Variants in PLCL1 observed in about 807,000 individuals in gnomAD.
PLCL1 encodes phospholipase C like 1 (inactive).
Under a neutral mutation model 84.4 loss-of-function variants are expected in PLCL1, and 41 were observed. That is an observed-to-expected ratio of 0.49 (90% CI 0.38 to 0.63). The LOEUF (loss-of-function observed/expected upper bound fraction) is 0.63. Ranked by LOEUF, PLCL1 falls within the 30% of genes least tolerant of loss-of-function variation. The probability of loss-of-function intolerance (pLI) is 0.00; values close to 1 mark genes in which losing one functional copy is unlikely to be tolerated. For synonymous variants in PLCL1, 490 were observed against 488.3 expected (o/e 1.00, Z -0.05); for missense variants, 1,206 against 1,367.8 (o/e 0.88, Z 1.87).
intron 1 of PLCL1, among the ~76,000 whole-genome samples, chr2:198,019,484 C>T (rs1241368445): frequency 1.3e-5 from 2 of 151,852 alleles, no homozygotes; most frequent in African/African-American, 2.4e-5. Flanking sequence ...AGCTAATAAC[C>T]TTGATAAAAG....
intron 1 of PLCL1, among the ~76,000 whole-genome samples, chr2:197,996,781 A>G (rs1574233727): frequency 6.6e-6 from 1 of 152,314 alleles, no homozygotes; most frequent in Non-Finnish European, 1.5e-5. Context: ...AGTTATCAGA[A>G]TGCAGGCTGT....
At chr2:197,867,384 ATT>A (rs5837565) in intron 1 of PLCL1, among the ~76,000 whole-genome samples, 34 of 146,470 alleles carry the variant, frequency 2.3e-4, no homozygotes, top group Middle Eastern at 3.4e-3. Flanking sequence ...ATCTGTAGGT[ATT>A]TTTTTTTTTT....
intron 1 of PLCL1, among the ~76,000 whole-genome samples, chr2:198,034,337 A>G (rs1691503163): frequency 6.6e-6 from 1 of 152,230 alleles, no homozygotes; most frequent in African/African-American, 2.4e-5. Flanking sequence ...GGGATCTAGA[A>G]CTAGAAATAC....
intron 1 of PLCL1, among the ~76,000 whole-genome samples, chr2:197,829,213 A>G (rs938668734): frequency 2.6e-5 from 4 of 152,206 alleles, no homozygotes; most frequent in Admixed American, 6.5e-5. Flanking sequence ...TGGGTAGACT[A>G]TAGGTAATAG....
intron 1 of PLCL1, among the ~76,000 whole-genome samples, chr2:197,882,256 G>A (rs1178992026): frequency 6.6e-6 from 1 of 152,094 alleles, no homozygotes; most frequent in East Asian, 1.9e-4. Flanking sequence ...GCCCCAGCAT[G>A]TTCCAAGAAG....
chr2:197,921,277 T>C (rs1056795675), intron 1 of PLCL1, among the ~76,000 whole-genome samples: 2 of 152,206 alleles, frequency 1.3e-5, no homozygotes, highest in African/African-American at 4.8e-5. Context: ...GAAAATTTGG[T>C]TTATATTGAA....
intron 5 of PLCL1, among the ~76,000 whole-genome samples, chr2:198,107,893 T>G (rs1693527971): frequency 1.3e-5 from 2 of 151,832 alleles, no homozygotes; most frequent in Non-Finnish European, 2.9e-5. Context: ...AATAGCTCCT[T>G]TTTCTCCTCC....
At chr2:198,138,481 G>A (rs905208548) in intron 5 of PLCL1, among the ~76,000 whole-genome samples, 2 of 152,110 alleles carry the variant, frequency 1.3e-5, no homozygotes, top group African/African-American at 4.8e-5. Context: ...TGGGGACACA[G>A]AGCCAAACCA....
intron 1 of PLCL1, among the ~76,000 whole-genome samples, chr2:197,930,581 G>A (rs1688912261): frequency 6.6e-6 from 1 of 151,998 alleles, no homozygotes; most frequent in Non-Finnish European, 1.5e-5. Context: ...ATTCTTTGAT[G>A]CTTTTCATTT....
chr2:198,077,049 C>G (rs957325701), intron 1 of PLCL1, among the ~76,000 whole-genome samples: 1 of 152,142 alleles, frequency 6.6e-6, no homozygotes, highest in Admixed American at 6.5e-5. Context: ...TGAGGATAGC[C>G]CTCTCCTGGA....
intron 5 of PLCL1, among the ~76,000 whole-genome samples, chr2:198,121,777 T>C (rs1203719619): frequency 6.6e-6 from 1 of 152,080 alleles, no homozygotes; most frequent in East Asian, 1.9e-4. Flanking sequence ...ACCAGAGTAT[T>C]CCATCTTTTC....
At chr2:197,826,132 T>A (rs955156720) in intron 1 of PLCL1, among the ~76,000 whole-genome samples, 5 of 152,218 alleles carry the variant, frequency 3.3e-5, no homozygotes, top group Non-Finnish European at 4.4e-5. Flanking sequence ...GAAGCAGTCC[T>A]ATCGGCTGCC....
At chr2:198,087,268 A>G (rs1331494257) in intron 2 of PLCL1, among the ~76,000 whole-genome samples, 1 of 152,148 alleles carries the variant, frequency 6.6e-6, no homozygotes, top group African/African-American at 2.4e-5. Flanking sequence ...ATTAGGGTAT[A>G]TGGAAATTGA....
intron 1 of PLCL1, among the ~76,000 whole-genome samples, chr2:197,818,439 T>C (rs1690737297): frequency 2.0e-5 from 3 of 152,070 alleles, no homozygotes; most frequent in Admixed American, 2.0e-4. Flanking sequence ...GTGTTTGTGG[T>C]TCCTGAAGAC....
chr2:197,964,815 A>C (rs1360380813), intron 1 of PLCL1, among the ~76,000 whole-genome samples: 2 of 152,170 alleles, frequency 1.3e-5, no homozygotes, highest in East Asian at 3.8e-4. Flanking sequence ...ATTTTATCAA[A>C]TGCTTTTTCA....
chr2:197,913,951 T>G (rs1688540280), intron 1 of PLCL1, among the ~76,000 whole-genome samples: 1 of 152,156 alleles, frequency 6.6e-6, no homozygotes, highest in Non-Finnish European at 1.5e-5. Flanking sequence ...GATAGTCCAT[T>G]TTTAATATCC....
intron 1 of PLCL1, among the ~76,000 whole-genome samples, chr2:198,001,505 T>C (rs1446652327): frequency 6.6e-6 from 1 of 152,216 alleles, no homozygotes; most frequent in East Asian, 1.9e-4. Flanking sequence ...TCCTAACTTC[T>C]AACTCCATAG....
At chr2:197,836,371 C>T (rs11675852) in intron 1 of PLCL1, among the ~76,000 whole-genome samples, 3,406 of 130,702 alleles carry the variant, frequency 0.026, 70 homozygotes, top group Non-Finnish European at 0.031. Flanking sequence ...GGCGTGAACC[C>T]GGGAGGCGGA....
chr2:197,833,969 T>C (rs1411644681), intron 1 of PLCL1, among the ~76,000 whole-genome samples: 1 of 152,144 alleles, frequency 6.6e-6, no homozygotes, highest in African/African-American at 2.4e-5. Context: ...AAAACAGATA[T>C]ATAGATCAGT....
Sources: allele counts gnomAD v4.1 joint callset (sites outside exome capture counted in the v4.1 genomes callset), GRCh38; gene constraint gnomAD v4.1.1; transcripts MANE v1.5; gene names NCBI Gene and HGNC (gene_info 2026-07-23, HGNC 2026-07-21).